TMEM243: variants seen among roughly 807,000 people sequenced by gnomAD.
The protein encoded by TMEM243 is transmembrane protein 243.
TMEM243 carries 20 observed loss-of-function variants against 15.0 expected under a neutral mutation model. The observed-to-expected ratio is 1.33, with a 90% CI of 0.94 to 1.93. TMEM243 has a LOEUF of 1.93. TMEM243 is among the 30% of genes most tolerant of loss of function. TMEM243 has a pLI of 0.00. For missense variants in TMEM243, 156 were observed against 142.1 expected (o/e 1.10, Z -0.50); for synonymous variants, 72 against 52.7 (o/e 1.37, Z -1.59).
chr7:87,211,736 G>A (rs1276458232), intron 1 of TMEM243, among the ~76,000 whole-genome samples: 1 of 152,194 alleles, frequency 6.6e-6, no homozygotes, highest in Non-Finnish European at 1.5e-5. Flanking sequence ...AGAGCAGCAT[G>A]GCTCTGACTG....
intron 1 of TMEM243, among the ~76,000 whole-genome samples, chr7:87,211,505 A>G (rs1419403272): frequency 6.6e-6 from 1 of 152,208 alleles, no homozygotes; most frequent in East Asian, 1.9e-4. Context: ...AAGGGTCCCA[A>G]TACCATAAAT....
intron 1 of TMEM243, among the ~76,000 whole-genome samples, chr7:87,204,705 G>GA (rs1301311403): frequency 6.6e-6 from 1 of 152,224 alleles, no homozygotes; most frequent in Non-Finnish European, 1.5e-5. Flanking sequence ...GCAGGGTACA[G>GA]CCTCCCTCCC....
At chr7:87,197,442 A>G (rs1345236232) in intron 3 of TMEM243, among the ~76,000 whole-genome samples, 3 of 152,112 alleles carry the variant, frequency 2.0e-5, no homozygotes, top group Non-Finnish European at 4.4e-5. Context: ...TTTGCAGTAA[A>G]TCAAACATTT....
intron 1 of TMEM243, among the ~76,000 whole-genome samples, chr7:87,206,339 C>G (rs1802215528): frequency 6.6e-6 from 1 of 152,230 alleles, no homozygotes; most frequent in African/African-American, 2.4e-5. Context: ...CACCTCCCCT[C>G]AGAGCACCCA....
intron 1 of TMEM243, among the ~76,000 whole-genome samples, chr7:87,214,621 T>C (rs778968706): frequency 6.6e-6 from 1 of 152,114 alleles, no homozygotes; most frequent in Non-Finnish European, 1.5e-5. Context: ...ACAATGAAAA[T>C]TGGCATATTA....
intron 1 of TMEM243, among the ~76,000 whole-genome samples, chr7:87,211,882 T>C (rs1346548916): frequency 6.6e-6 from 1 of 152,178 alleles, no homozygotes; most frequent in African/African-American, 2.4e-5. Flanking sequence ...GTACTACTGC[T>C]CTGAGACTTC....
chr7:87,220,136 C>T (rs969673455), upstream of TMEM243: 19 of 152,548 alleles, frequency 1.2e-4, no homozygotes, highest in African/African-American at 4.1e-4. Flanking sequence ...CTCCGCACAC[C>T]CCTCCCGCAG....
chr7:87,210,392 T>C (rs777913533), intron 1 of TMEM243, among the ~76,000 whole-genome samples: 4 of 152,060 alleles, frequency 2.6e-5, no homozygotes, highest in Non-Finnish European at 5.9e-5. Context: ...CAGCATTAAC[T>C]CAAAAGTCCA....
At chr7:87,218,962 C>CCTCT (rs1481002585) in intron 1 of TMEM243, among the ~76,000 whole-genome samples, 3 of 152,132 alleles carry the variant, frequency 2.0e-5, no homozygotes. Flanking sequence ...TCACCTCAAG[C>CCTCT]CTCTCCCCTT....
At chr7:87,198,193 T>A in intron 2 of TMEM243, 148 bp from the exon 3 acceptor site, 1 of 571,110 alleles carries the variant, frequency 1.8e-6, no homozygotes, top group Non-Finnish European at 3.1e-6. Context: ...GTTAATACAG[T>A]AATTATAAAT....
chr7:87,206,341 G>A (rs537336919), intron 1 of TMEM243, among the ~76,000 whole-genome samples: 1 of 152,256 alleles, frequency 6.6e-6, no homozygotes, highest in Non-Finnish European at 1.5e-5. Flanking sequence ...CCTCCCCTCA[G>A]AGCACCCACA....
chr7:87,209,641 A>C (rs1325995514), intron 1 of TMEM243, among the ~76,000 whole-genome samples: 1,279 of 78,866 alleles, frequency 0.016, 42 homozygotes, highest in East Asian at 0.04. Flanking sequence ...AGAGAGCGAG[A>C]GAGACAGTGA....
chr7:87,208,234 TC>T, intron 1 of TMEM243, among the ~76,000 whole-genome samples: 2 of 152,346 alleles, frequency 1.3e-5, no homozygotes, highest in East Asian at 3.9e-4. Flanking sequence ...CTGAGACAAG[TC>T]CACCTATGAG....
rs1801428059 is a variant in TMEM243, at chr7:87,197,714, T to A, written c.234+227A>T. 2.1e-5 allele frequency: 9 copies of A among 429,460 alleles called. 1 individual carries two copies. The African/African-American group carries it at 2.9e-4, about 14-fold the overall frequency. The allele number at this position is 429,460 out of a possible 1,614,324, so 26.6% of individuals were successfully genotyped here. On this transcript the variant is annotated intron_variant, in intron 3 of 3. Transcript: ENST00000257637. ...TTTTTTTTTTTTTTTTTTTTTTTTT[T>A]TTAAGCTATCAAGGGAGTGGAATTT...
intron 1 of TMEM243, among the ~76,000 whole-genome samples, chr7:87,209,894 GTGAGAGAGTGAGAGAC>G: frequency 7.5e-6 from 1 of 133,256 alleles, no homozygotes; most frequent in Admixed American, 7.2e-5. Context: ...GTGAGAGACA[GTGAGAGAGTGAGAGAC>G]AGAGAGAGAG....
At chr7:87,208,887 C>T (rs145730035) in intron 1 of TMEM243, among the ~76,000 whole-genome samples, 19 of 152,384 alleles carry the variant, frequency 1.2e-4, no homozygotes, top group South Asian at 6.2e-4. Context: ...AAGGTGCCAC[C>T]GTATGGCTGG....
intron 3 of TMEM243, 147 bp downstream of exon 3, chr7:87,197,794 A>T (rs1255601389): frequency 1.3e-6 from 2 of 1,484,532 alleles, no homozygotes; most frequent in African/African-American, 3.0e-5. Context: ...CTCAGATTTT[A>T]TTGAGAATTC....
In TMEM243 at chr7:87,196,703, T is replaced by C. The variant is rs368911823; in HGVS notation, c.290A>G (p.Tyr97Cys). ...CAACATGATGATAGAAAATATGATA[T>C]AGTAAATTAGCTTTCTAAATTTCGG... ...LEPKFRKLIY[Y>C]IIFSIIMLCI... The change falls in exon 4 of 4, where the codon TAT becomes TGT. Residue 97 changes from tyrosine (Y) to cysteine (C), a missense_variant. Transcript: ENST00000257637. 10 of 1,608,508 alleles carry C rather than the reference T, an allele frequency of 6.2e-6. No homozygotes were observed. The highest frequency in any genetic ancestry group is 1.1e-5 in the South Asian group (1 of 90,264).
intron 1 of TMEM243, among the ~76,000 whole-genome samples, chr7:87,213,814 G>A (rs1802926898): frequency 6.6e-6 from 1 of 151,810 alleles, no homozygotes; most frequent in Non-Finnish European, 1.5e-5. Flanking sequence ...GGGGATAAAG[G>A]AAGATACTTT....
Sources: gnomAD v4.1 joint callset for allele counts (sites outside exome capture counted in the v4.1 genomes callset) on GRCh38, gnomAD v4.1.1 for gene constraint, MANE v1.5 for transcripts, NCBI Gene and HGNC (gene_info 2026-07-23, HGNC 2026-07-21) for gene names.